Variants in DOCK11 observed in about 807,000 individuals in gnomAD.
The protein encoded by DOCK11 is dedicator of cytokinesis 11.
A neutral mutation model predicts 169.1 loss-of-function variants in DOCK11; 70 were observed. The observed-to-expected ratio is 0.41, with a 90% CI of 0.34 to 0.51. DOCK11 has a LOEUF of 0.51. DOCK11 is among the 20% of genes least tolerant of loss of function. The probability of loss-of-function intolerance (pLI) is 0.10; values close to 1 mark genes in which losing one functional copy is unlikely to be tolerated. For missense variants in DOCK11, 1,166 were observed against 1,538.8 expected (o/e 0.76, Z 4.05); for synonymous variants, 529 against 541.3 (o/e 0.98, Z 0.32).
intron 45 of DOCK11, among the ~76,000 whole-genome samples, chrX:118,663,803 T>C (rs1331619151): frequency 3.8e-5 from 4 of 105,854 alleles, no homozygotes; most frequent in African/African-American, 6.9e-5. Flanking sequence ...GCCTACCGAG[T>C]ACCAGGGACT....
At chrX:118,654,576 G>A (rs1286915692) in intron 42 of DOCK11, 26 bp from the exon 43 acceptor site, 1 of 1,190,485 alleles carries the variant, frequency 8.4e-7, no homozygotes, top group African/African-American at 1.8e-5. Flanking sequence ...TGTTCAACTT[G>A]TCTTTTTTGT....
chrX:118,513,618 T>A (rs5910367), intron 1 of DOCK11, among the ~76,000 whole-genome samples: 47,098 of 110,156 alleles, frequency 0.43, 7,745 homozygotes, highest in East Asian at 0.6. Context: ...TCTCAAATTT[T>A]AAAAAAAAGT....
intron 44 of DOCK11, 86 bp downstream of exon 44, chrX:118,655,047 A>G (rs768501511): frequency 2.3e-6 from 2 of 872,667 alleles, no homozygotes; most frequent in South Asian, 2.2e-5. Context: ...TGAATATGAT[A>G]TAATAGAACA....
At chrX:118,529,039 A>G (rs1310299097) in intron 1 of DOCK11, among the ~76,000 whole-genome samples, 3 of 106,386 alleles carry the variant, frequency 2.8e-5, no homozygotes, top group East Asian at 2.9e-4. Context: ...ACTGGAGTAT[A>G]GTGGCGCGAT....
rs200681200 is a variant in DOCK11, at chrX:118,584,706, T to TA, written c.1596-29_1596-28insA. 681 of 1,084,536 alleles carry TA rather than the reference T, an allele frequency of 6.3e-4. 3 individuals carry two copies. The African/African-American group carries it at 6.4e-3, about 10-fold the overall frequency. 89.4% of individuals were successfully genotyped at this position (1,084,536 alleles called of 1,213,427 possible). A position where few individuals can be genotyped will look rare whatever the true frequency, so the allele number is the denominator to read the frequency against. On this transcript the variant is annotated intron_variant, in intron 14 of 52. Transcript: ENST00000276202. ...ATTTATCAACATGGAATTTTTTTTT[T>TA]TAAAAAAATGCTTCTGTTGCTGTTT...
At chrX:118,551,942 G>A (rs1424541092) in intron 6 of DOCK11, among the ~76,000 whole-genome samples, 2 of 108,274 alleles carry the variant, frequency 1.8e-5, no homozygotes, top group Non-Finnish European at 3.8e-5. Flanking sequence ...GGAGGCTTAA[G>A]TGGGAGGATC....
At chrX:118,559,785 C>A (rs1007972599) in intron 6 of DOCK11, among the ~76,000 whole-genome samples, 2 of 111,104 alleles carry the variant, frequency 1.8e-5, no homozygotes, top group African/African-American at 3.3e-5. Flanking sequence ...TTATGATTAA[C>A]ATTTTCCTTT....
Position 118,671,276 on chromosome X carries a change from C to T in DOCK11, c.5199+131C>T, listed in dbSNP as rs1246288981. ...GAATATAAGGTTCATTACATTATGA[C>T]TTTTGCATTTTATCATAGAGTATAG... On this transcript the variant is annotated intron_variant, in intron 46 of 52. Coordinates refer to ENST00000276202, the MANE Select transcript of DOCK11 (RefSeq NM_144658.4). 15 of 551,938 alleles carry T rather than the reference C, an allele frequency of 2.7e-5. No homozygotes were observed. The South Asian group carries it at 4.9e-4, about 18-fold the overall frequency. 45.5% of individuals were successfully genotyped at this position (551,938 alleles called of 1,213,427 possible).
intron 35 of DOCK11, among the ~76,000 whole-genome samples, chrX:118,631,965 T>C (rs1355595101): frequency 9.0e-6 from 1 of 110,897 alleles, no homozygotes; most frequent in African/African-American, 3.3e-5. Flanking sequence ...ATGACTGTTT[T>C]TGTTTTGAAG....
At chrX:118,639,355 A>T in intron 37 of DOCK11, 80 bp from the exon 38 acceptor site, 4 of 1,072,254 alleles carry the variant, frequency 3.7e-6, no homozygotes, top group Middle Eastern at 2.9e-4. Context: ...TGGAAACCTA[A>T]TTTTTTTTAG....
At chrX:118,523,888 C>T (rs1215294035) in intron 1 of DOCK11, among the ~76,000 whole-genome samples, 1 of 111,258 alleles carries the variant, frequency 9.0e-6, no homozygotes, top group Non-Finnish European at 1.9e-5. Flanking sequence ...TTTGATCCTC[C>T]GAGATGGAAC....
At chrX:118,610,473 C>T (rs1351212648) in intron 28 of DOCK11, 55 bp downstream of exon 28, 4 of 1,159,895 alleles carry the variant, frequency 3.4e-6, no homozygotes, top group East Asian at 6.0e-5. Flanking sequence ...TGATAGGAAG[C>T]CCAAGAAAAA....
At chrX:118,633,385 G>A (rs2015303031) in intron 35 of DOCK11, 1 of 112,084 alleles carries the variant, frequency 8.9e-6, no homozygotes, top group African/African-American at 3.2e-5. Context: ...GGGAGATAGC[G>A]GAAGGGTTCC....
intron 1 of DOCK11, among the ~76,000 whole-genome samples, chrX:118,498,644 A>G (rs2057553247): frequency 8.9e-6 from 1 of 112,287 alleles, no homozygotes. Flanking sequence ...TGGGGCTTCA[A>G]TATGAGTTAG....
At chrX:118,661,369 A>C (rs756693768) in intron 44 of DOCK11, among the ~76,000 whole-genome samples, 2 of 111,597 alleles carry the variant, frequency 1.8e-5, no homozygotes, top group African/African-American at 6.5e-5. Flanking sequence ...ATTAGGTTTC[A>C]TTTAGACAAG....
chrX:118,673,024 G>C (rs2016523235), intron 46 of DOCK11, among the ~76,000 whole-genome samples: 1 of 111,434 alleles, frequency 9.0e-6, no homozygotes, highest in Non-Finnish European at 1.9e-5. Context: ...GACAAAACCA[G>C]ATTTGCCATT....
At chrX:118,588,501 CAT>C (rs1473322569) in intron 18 of DOCK11, 23 bp downstream of exon 18, 3 of 1,131,171 alleles carry the variant, frequency 2.7e-6, no homozygotes, top group Non-Finnish European at 3.5e-6. Flanking sequence ...TATTGATAGG[CAT>C]ATGTTTTTAG....
At chrX:118,587,817 G>A (rs2013860521) in intron 16 of DOCK11, among the ~76,000 whole-genome samples, 1 of 111,812 alleles carries the variant, frequency 8.9e-6, no homozygotes, top group African/African-American at 3.2e-5. Flanking sequence ...CCACAGGAGG[G>A]AAAATGAAAT....
chrX:118,502,023 G>A (rs781545230), intron 1 of DOCK11, among the ~76,000 whole-genome samples: 6 of 111,308 alleles, frequency 5.4e-5, no homozygotes, highest in South Asian at 3.7e-4. Flanking sequence ...TTATTTCCTC[G>A]TTTGTGATTC....
Sources: allele counts gnomAD v4.1 joint callset (sites outside exome capture counted in the v4.1 genomes callset), GRCh38; gene constraint gnomAD v4.1.1; transcripts MANE v1.5; gene names NCBI Gene and HGNC (gene_info 2026-07-23, HGNC 2026-07-21).